TMEM132D: variants seen among roughly 807,000 people sequenced by gnomAD.
The protein encoded by TMEM132D is mature OL transmembrane protein.
Under a neutral mutation model 62.3 loss-of-function variants are expected in TMEM132D, and 21 were observed. That is an observed-to-expected ratio of 0.34 (90% CI 0.24 to 0.49). The LOEUF is 0.49. Ranked by LOEUF, TMEM132D falls within the 20% of genes least tolerant of loss-of-function variation. The probability of loss-of-function intolerance (pLI) is 0.99; values close to 1 mark genes in which losing one functional copy is unlikely to be tolerated. For synonymous variants in TMEM132D, 621 were observed against 575.6 expected (o/e 1.08, Z -1.13); for missense variants, 1,346 against 1,402.8 (o/e 0.96, Z 0.65).
At chr12:129,442,556 AC>A (rs1872970511) in intron 3 of TMEM132D, among the ~76,000 whole-genome samples, 1 of 152,146 alleles carries the variant, frequency 6.6e-6, no homozygotes, top group African/African-American at 2.4e-5. Flanking sequence ...CTGAATATCT[AC>A]TGCATATGCA....
chr12:129,826,233 G>A (rs183995978), intron 1 of TMEM132D, among the ~76,000 whole-genome samples: 2 of 152,276 alleles, frequency 1.3e-5, no homozygotes, highest in African/African-American at 2.4e-5. Flanking sequence ...AGCCTCCATC[G>A]GCTTGAGTCC....
At chr12:129,078,219 G>T (rs1346898213) in intron 8 of TMEM132D, among the ~76,000 whole-genome samples, 1 of 152,232 alleles carries the variant, frequency 6.6e-6, no homozygotes, top group African/African-American at 2.4e-5. Context: ...GTGACCACCT[G>T]CATGCACTTG....
chr12:129,377,948 A>G (rs1331897829), intron 3 of TMEM132D, among the ~76,000 whole-genome samples: 1 of 152,242 alleles, frequency 6.6e-6, no homozygotes, highest in Non-Finnish European at 1.5e-5. Flanking sequence ...TTAAGCGATA[A>G]AAGATTATCT....
chr12:129,379,497 A>G (rs143255780), intron 3 of TMEM132D, among the ~76,000 whole-genome samples: 3 of 152,332 alleles, frequency 2.0e-5, no homozygotes, highest in Non-Finnish European at 4.4e-5. Flanking sequence ...TGTAGTGGTA[A>G]TGACCTATGT....
At chr12:129,759,083 A>G (rs909927830) in intron 1 of TMEM132D, among the ~76,000 whole-genome samples, 3 of 151,898 alleles carry the variant, frequency 2.0e-5, no homozygotes, top group Non-Finnish European at 4.4e-5. Flanking sequence ...ACAGGTGTGC[A>G]TCATCATGCC....
intron 1 of TMEM132D, among the ~76,000 whole-genome samples, chr12:129,815,705 C>G (rs1246377178): frequency 1.3e-5 from 2 of 152,158 alleles, no homozygotes; most frequent in Non-Finnish European, 2.9e-5. Context: ...CCCCCGGTTA[C>G]AAAAATTAGT....
rs929040265 is a variant in TMEM132D at position 129,084,840 on chromosome 12, C to T, written c.1444-138G>A. 5 of 711,916 alleles carry T rather than the reference C, an allele frequency of 7.0e-6. No homozygotes were observed. The African/African-American group carries it at 9.0e-5, about 13-fold the overall frequency. The allele number at this position is 711,916 out of a possible 1,614,324, so 44.1% of individuals were successfully genotyped here. On this transcript the variant is annotated intron_variant, in intron 5 of 8. Coordinates refer to ENST00000422113, the MANE Select transcript of TMEM132D (RefSeq NM_133448.3). Reference sequence around the variant, plus strand: ...TCCCCTTACTATGGGGGAGGAGGTCCTGGTATGGAGCAGACATTGGGTGTT... The same window carrying T: ...TCCCCTTACTATGGGGGAGGAGGTCTTGGTATGGAGCAGACATTGGGTGTT...
At chr12:129,711,945 A>G (rs911099667) in intron 1 of TMEM132D, among the ~76,000 whole-genome samples, 2 of 151,798 alleles carry the variant, frequency 1.3e-5, no homozygotes, top group African/African-American at 4.8e-5. Flanking sequence ...AGAGAAGTCG[A>G]GGGCTTCCTG....
chr12:129,122,902 A>C (rs1298382253), intron 5 of TMEM132D, among the ~76,000 whole-genome samples: 1 of 152,210 alleles, frequency 6.6e-6, no homozygotes, highest in Non-Finnish European at 1.5e-5. Flanking sequence ...GTTATGGTGA[A>C]TGATTTCCAG....
At chr12:129,677,550 T>C (rs1880661387) in intron 2 of TMEM132D, among the ~76,000 whole-genome samples, 1 of 152,254 alleles carries the variant, frequency 6.6e-6, no homozygotes, top group African/African-American at 2.4e-5. Context: ...ACAACTGACT[T>C]GGTTTTTCTT....
At chr12:129,202,751 A>G (rs1181157938) in intron 5 of TMEM132D, among the ~76,000 whole-genome samples, 1 of 152,038 alleles carries the variant, frequency 6.6e-6, no homozygotes, top group African/African-American at 2.4e-5. Flanking sequence ...TCCCTTCCTC[A>G]TGCCATTCCC....
chr12:129,166,688 T>C (rs11060171), intron 5 of TMEM132D, among the ~76,000 whole-genome samples: 46,877 of 104,102 alleles, frequency 0.45, 8,271 homozygotes, highest in Non-Finnish European at 0.53. Context: ...TATATACACA[T>C]ACACACACAC....
intron 3 of TMEM132D, among the ~76,000 whole-genome samples, chr12:129,512,591 G>T (rs1311856893): frequency 6.6e-6 from 1 of 152,226 alleles, no homozygotes; most frequent in East Asian, 1.9e-4. Context: ...TTTGGGAGCA[G>T]CTTAGCTGGA....
At chr12:129,795,534 A>T (rs763209528) in intron 1 of TMEM132D, among the ~76,000 whole-genome samples, 1 of 152,240 alleles carries the variant, frequency 6.6e-6, no homozygotes, top group Non-Finnish European at 1.5e-5. Context: ...CATCCTGCTA[A>T]ATCCTGGGGC....
At chr12:129,185,834 T>G (rs1878209157) in intron 5 of TMEM132D, among the ~76,000 whole-genome samples, 1 of 149,034 alleles carries the variant, frequency 6.7e-6, no homozygotes, top group African/African-American at 2.5e-5. Flanking sequence ...GTTTTTCTCC[T>G]TACTAGTGAG....
intron 1 of TMEM132D, among the ~76,000 whole-genome samples, chr12:129,730,522 C>T (rs1324623252): frequency 6.6e-6 from 1 of 152,156 alleles, no homozygotes; most frequent in East Asian, 1.9e-4. Context: ...TGCTCATTCA[C>T]TCATTCATTT....
chr12:129,664,994 G>A (rs187126867), intron 2 of TMEM132D, among the ~76,000 whole-genome samples: 74 of 151,876 alleles, frequency 4.9e-4, no homozygotes, highest in African/African-American at 1.7e-3. Context: ...GGTGTAGAGA[G>A]GACCCAGGCA....
intron 3 of TMEM132D, among the ~76,000 whole-genome samples, chr12:129,511,997 A>G (rs1875509563): frequency 6.6e-6 from 1 of 152,182 alleles, no homozygotes; most frequent in South Asian, 2.1e-4. Flanking sequence ...CCCAGAATTC[A>G]CCCACTTGCA....
At chr12:129,317,181 G>A (rs4759622) in intron 4 of TMEM132D, among the ~76,000 whole-genome samples, 76,233 of 151,908 alleles carry the variant, frequency 0.5, 20,600 homozygotes, top group Non-Finnish European at 0.61. Flanking sequence ...TGTTGCCTGT[G>A]TACTTTGGTT....
Sources: gnomAD v4.1 joint callset for allele counts (sites outside exome capture counted in the v4.1 genomes callset) on GRCh38, gnomAD v4.1.1 for gene constraint, MANE v1.5 for transcripts, NCBI Gene and HGNC (gene_info 2026-07-23, HGNC 2026-07-21) for gene names.